Variants in GOLGB1 observed in about 807,000 individuals in gnomAD.
GOLGB1 encodes golgin subfamily B member 1.
A neutral mutation model predicts 336.9 loss-of-function variants in GOLGB1; 174 were observed. That is an observed-to-expected ratio of 0.52 (90% confidence interval 0.46 to 0.59). The LOEUF (loss-of-function observed/expected upper bound fraction) is 0.59. Among genes scored for constraint, GOLGB1 ranks in the 20% least tolerant of loss-of-function variants. GOLGB1 has a pLI of 0.00. For missense variants in GOLGB1, 3,331 were observed against 3,645.3 expected (o/e 0.91, Z 2.22); for synonymous variants, 1,208 against 1,289.2 (o/e 0.94, Z 1.35).
intron 10 of GOLGB1, among the ~76,000 whole-genome samples, chr3:121,704,110 G>A (rs1943622698): frequency 6.6e-6 from 1 of 150,378 alleles, no homozygotes; most frequent in Non-Finnish European, 1.5e-5. Context: ...TCTGAAGACA[G>A]AAGAATAAAA....
chr3:121,687,759 C>A (rs555434848), intron 14 of GOLGB1, among the ~76,000 whole-genome samples: 1 of 152,290 alleles, frequency 6.6e-6, no homozygotes, highest in African/African-American at 2.4e-5. Context: ...AATTCAGAAT[C>A]TATCCTAACA....
intron 1 of GOLGB1, among the ~76,000 whole-genome samples, chr3:121,732,434 T>C (rs1024815486): frequency 6.6e-6 from 1 of 152,170 alleles, no homozygotes; most frequent in Non-Finnish European, 1.5e-5. Flanking sequence ...TAAAGACCAA[T>C]GTTCCTCATG....
intron 8 of GOLGB1, among the ~76,000 whole-genome samples, chr3:121,717,917 C>T (rs969063826): frequency 2.6e-5 from 4 of 152,118 alleles, no homozygotes; most frequent in Admixed American, 6.5e-5. Context: ...TCATATACAT[C>T]GTATACACAT....
chr3:121,673,701 A>G (rs1271571010), intron 17 of GOLGB1, among the ~76,000 whole-genome samples: 3 of 151,594 alleles, frequency 2.0e-5, no homozygotes, highest in Non-Finnish European at 4.4e-5. Flanking sequence ...CTATCTATCT[A>G]TCTATCTATC....
At chr3:121,733,811 A>G (rs560980938) in intron 1 of GOLGB1, among the ~76,000 whole-genome samples, 2 of 152,342 alleles carry the variant, frequency 1.3e-5, no homozygotes, top group Admixed American at 6.5e-5. Context: ...AGAAAGGACA[A>G]TCTTTTCAAT....
chr3:121,729,086 C>T (rs1945881999), intron 4 of GOLGB1, 102 bp downstream of exon 4: 7 of 761,552 alleles, frequency 9.2e-6, no homozygotes, highest in Non-Finnish European at 1.3e-5. Context: ...TTATTTAGTG[C>T]TGTATCATTT....
At chr3:121,730,404 A>G (rs926781841) in intron 2 of GOLGB1, among the ~76,000 whole-genome samples, 16 of 152,182 alleles carry the variant, frequency 1.1e-4, no homozygotes, top group Non-Finnish European at 2.9e-5. Context: ...TTAATTCCTT[A>G]TGTGGACTTC....
chr3:121,668,723 CT>C (rs1939066932), intron 18 of GOLGB1, among the ~76,000 whole-genome samples: 1 of 149,652 alleles, frequency 6.7e-6, no homozygotes, highest in African/African-American at 2.5e-5. Context: ...ATGCTTATGG[CT>C]TTTCCAGAAG....
Position 121,695,905 on chromosome 3 carries a change from C to G in GOLGB1, c.4618G>C (p.Asp1540His), listed in dbSNP as rs1553866426. 3 of 1,613,578 alleles carry G rather than the reference C, an allele frequency of 1.9e-6. No homozygotes were observed. The highest frequency in any genetic ancestry group is 1.1e-5 in the South Asian group (1 of 90,970). ...AGAGCTAACCTTCCTAAGACCGTATCTTTTTCTTTATTTTGAGCAGAAACT... is the reference window on the plus strand; with the variant it reads ...AGAGCTAACCTTCCTAAGACCGTATGTTTTTCTTTATTTTGAGCAGAAACT... ...SQVSAQNKEK[D>H]TVLGRLALLQ... is the part of the protein sequence containing the mutation. The change falls in exon 13 of 22, where the codon GAT becomes CAT. Residue 1540 changes from aspartate (D) to histidine (H), a missense_variant. Transcript: ENST00000614479.
At chr3:121,706,733 CAAA>C (rs1200925309) in intron 10 of GOLGB1, among the ~76,000 whole-genome samples, 35 of 16,132 alleles carry the variant, frequency 2.2e-3, no homozygotes, top group Admixed American at 0.012. Flanking sequence ...GACTCTGTCT[CAAA>C]AAAAAAAAAA....
At chr3:121,747,385 GTA>G (rs1223740534) in intron 1 of GOLGB1, among the ~76,000 whole-genome samples, 31 of 139,264 alleles carry the variant, frequency 2.2e-4, no homozygotes, top group Admixed American at 1.3e-3. Flanking sequence ...GTCTATATAC[GTA>G]TATATATACA....
intron 6 of GOLGB1, among the ~76,000 whole-genome samples, chr3:121,721,453 C>A (rs1456692023): frequency 3.3e-5 from 5 of 152,010 alleles, no homozygotes; most frequent in Non-Finnish European, 7.4e-5. Context: ...ATATTGAGAA[C>A]CTGTCTCTTC....
intron 10 of GOLGB1, among the ~76,000 whole-genome samples, chr3:121,705,301 A>G (rs1017183792): frequency 1.3e-5 from 2 of 152,242 alleles, no homozygotes; most frequent in Non-Finnish European, 2.9e-5. Flanking sequence ...AAAAAGATAC[A>G]GCTCAATACC....
At chr3:121,727,289 C>CAT (rs1216701208) in intron 4 of GOLGB1, among the ~76,000 whole-genome samples, 58 of 44,328 alleles carry the variant, frequency 1.3e-3, no homozygotes, top group African/African-American at 3.3e-3. Context: ...CATACACACA[C>CAT]ACACATATAT....
rs75360890 is a variant in GOLGB1, at chr3:121,672,713, T to C, written c.9178-3358A>G. ...ACAAAAAAAGCCTTGGCTAGATCCATGTCCTGAAGCATTTCCACAAGTTTT... is the reference window on the plus strand; with the variant it reads ...ACAAAAAAAGCCTTGGCTAGATCCACGTCCTGAAGCATTTCCACAAGTTTT... On this transcript the variant is annotated intron_variant, in intron 17 of 21. Transcript: ENST00000614479. Among the ~76,000 whole-genome samples the C allele has an allele frequency of 1.1e-4, 16 of 152,376 alleles. No homozygotes were observed. The East Asian group carries it at 3.1e-3, about 29-fold the overall frequency.
At chr3:121,711,282 T>TA (rs1012902762) in intron 10 of GOLGB1, among the ~76,000 whole-genome samples, 261 of 147,758 alleles carry the variant, frequency 1.8e-3, no homozygotes, top group African/African-American at 5.3e-3. Flanking sequence ...CCTAGAAATA[T>TA]AAAAAAAAAA....
At chr3:121,667,964 T>C (rs1233872603) in intron 19 of GOLGB1, 97 bp downstream of exon 19, 2 of 634,210 alleles carry the variant, frequency 3.2e-6, no homozygotes, top group African/African-American at 3.7e-5. Flanking sequence ...TAACAAGACA[T>C]ATTAAATCCA....
intron 17 of GOLGB1, among the ~76,000 whole-genome samples, chr3:121,675,425 G>T (rs1311005871): frequency 6.6e-6 from 1 of 152,200 alleles, no homozygotes; most frequent in East Asian, 1.9e-4. Flanking sequence ...CCAAACTGGA[G>T]AAGCCCAAAT....
chr3:121,711,019 C>G (rs750325528), intron 10 of GOLGB1, among the ~76,000 whole-genome samples: 1 of 151,896 alleles, frequency 6.6e-6, no homozygotes, highest in Admixed American at 6.6e-5. Flanking sequence ...ATGGCAAAAC[C>G]CTGTCTCTAC....
Sources: allele counts gnomAD v4.1 joint callset (sites outside exome capture counted in the v4.1 genomes callset), GRCh38; gene constraint gnomAD v4.1.1; transcripts MANE v1.5; gene names NCBI Gene and HGNC (gene_info 2026-07-23, HGNC 2026-07-21).